Variants in PLS3 observed in about 807,000 individuals in gnomAD.
The protein encoded by PLS3 is plastin-3.
A neutral mutation model predicts 46.5 loss-of-function variants in PLS3; 11 were observed. The observed-to-expected ratio is 0.24, with a 90% CI of 0.15 to 0.39. The LOEUF (loss-of-function observed/expected upper bound fraction) is 0.39. Ranked by LOEUF, PLS3 falls within the 10% of genes least tolerant of loss-of-function variation. The pLI, the probability that PLS3 is intolerant of heterozygous loss-of-function variation, is 1.00. For missense variants in PLS3, 308 were observed against 461.8 expected (o/e 0.67, Z 3.05); for synonymous variants, 167 against 162.2 (o/e 1.03, Z -0.22).
At chrX:115,612,417 A>G in intron 2 of PLS3, among the ~76,000 whole-genome samples, 1 of 111,789 alleles carries the variant, frequency 8.9e-6, no homozygotes, top group Non-Finnish European at 1.9e-5. Flanking sequence ...TTACTTACAG[A>G]ACCCTCAGGC....
At chrX:115,624,419 T>G (rs1280334179) in intron 3 of PLS3, 2 of 111,614 alleles carry the variant, frequency 1.8e-5, no homozygotes, top group Non-Finnish European at 3.8e-5. Flanking sequence ...CACTTGCATG[T>G]TTTCTGATGT....
At chrX:115,618,726 T>C (rs1603236023) in intron 2 of PLS3, among the ~76,000 whole-genome samples, 1 of 111,050 alleles carries the variant, frequency 9.0e-6, no homozygotes, top group East Asian at 2.8e-4. Flanking sequence ...CGAAACCCCA[T>C]CTCTACTAAA....
At chrX:115,643,967 A>G (rs2074925201) in intron 10 of PLS3, among the ~76,000 whole-genome samples, 1 of 111,403 alleles carries the variant, frequency 9.0e-6, no homozygotes, top group African/African-American at 3.3e-5. Context: ...GTAAGACTCC[A>G]TCTCAAAAAA....
chrX:115,586,661 G>A (rs1257805957), intron 1 of PLS3, among the ~76,000 whole-genome samples: 1 of 81,581 alleles, frequency 1.2e-5, no homozygotes, highest in Non-Finnish European at 2.4e-5. Flanking sequence ...CTGGAGGATG[G>A]AGTGAGACTC....
chrX:115,609,164 A>T (rs1033758837), intron 1 of PLS3, among the ~76,000 whole-genome samples: 1 of 110,902 alleles, frequency 9.0e-6, no homozygotes, highest in Non-Finnish European at 1.9e-5. Flanking sequence ...AGAAAGGAAC[A>T]TGTAATCATT....
rs1204616088 is a variant in PLS3 at position 115,650,263 on chromosome X, C to G, written c.*702C>G. 1 of 111,339 alleles carries G rather than the reference C, an allele frequency of 9.0e-6. No homozygotes were observed. The highest frequency in any genetic ancestry group is 1.9e-5 in the Non-Finnish European group (1 of 52,986). 9.2% of individuals were successfully genotyped at this position (111,339 alleles called of 1,213,427 possible). On this transcript the variant is annotated 3_prime_UTR_variant, in exon 16 of 16. Transcript: ENST00000355899. The stretch of plus-strand genomic sequence containing the variant: ...ACATCGTAGCTAGAAGAAAAATGTA[C>G]CTTAAATTTGCATCTTCCCTCTCAT...
At chrX:115,633,094 T>A (rs1268169602) in intron 5 of PLS3, among the ~76,000 whole-genome samples, 16 of 109,901 alleles carry the variant, frequency 1.5e-4, no homozygotes, top group Non-Finnish European at 2.8e-4. Flanking sequence ...GAGAAAAAAT[T>A]AAAAAAAATT....
At chrX:115,625,318 T>C (rs1556638304) in intron 3 of PLS3, among the ~76,000 whole-genome samples, 1 of 109,857 alleles carries the variant, frequency 9.1e-6, no homozygotes. Flanking sequence ...TGTGTGTGTG[T>C]GCGCGCGTGT....
chrX:115,632,441 A>G lies in PLS3; in HGVS notation c.501-1559A>G, dbSNP rs781814860. Among the ~76,000 whole-genome samples, 4 of 110,733 alleles carry G rather than the reference A, an allele frequency of 3.6e-5. No homozygotes were observed. The South Asian group carries it at 1.6e-3, about 43-fold the overall frequency. On this transcript the variant is annotated intron_variant, in intron 5 of 15. Transcript: ENST00000355899. ...GATTTGGGCCTCTGTACTGCAGCCC[A>G]GGCGAGAGTTAGACCCTGTCTCTAA...
intron 1 of PLS3, among the ~76,000 whole-genome samples, chrX:115,592,680 G>A (rs946074374): frequency 1.8e-5 from 2 of 111,680 alleles, no homozygotes; most frequent in African/African-American, 3.3e-5. Context: ...CAGTTATCAC[G>A]TATCTAGTAC....
chrX:115,638,875 G>T (rs1556640622), intron 8 of PLS3, among the ~76,000 whole-genome samples: 1 of 109,060 alleles, frequency 9.2e-6, no homozygotes, highest in African/African-American at 3.3e-5. Context: ...ACCATGCCTG[G>T]CTAATTTTTT....
chrX:115,646,323 G>C, intron 12 of PLS3, 79 bp from the exon 13 acceptor site: 9 of 1,028,149 alleles, frequency 8.8e-6, no homozygotes, highest in Non-Finnish European at 1.2e-5. Context: ...CTGATACCTA[G>C]CATTATACAA....
intron 8 of PLS3, among the ~76,000 whole-genome samples, chrX:115,639,067 A>G (rs1426746486): frequency 8.9e-6 from 1 of 111,876 alleles, no homozygotes; most frequent in African/African-American, 3.2e-5. Flanking sequence ...ACTAACTTCC[A>G]GTTTATCTGT....
chrX:115,625,226 T>C (rs2074698108), intron 3 of PLS3, among the ~76,000 whole-genome samples: 1 of 111,620 alleles, frequency 9.0e-6, no homozygotes, highest in African/African-American at 3.3e-5. Flanking sequence ...TTCTGCTTTT[T>C]CTTTGAATTG....
chrX:115,611,535 GA>G (rs1556636127), intron 2 of PLS3, among the ~76,000 whole-genome samples: 1 of 109,308 alleles, frequency 9.1e-6, no homozygotes, highest in African/African-American at 3.3e-5. Flanking sequence ...GTGCATTTTT[GA>G]ACCTTTTTTA....
chrX:115,623,512 C>A (rs1556637989), intron 3 of PLS3, among the ~76,000 whole-genome samples: 2 of 111,336 alleles, frequency 1.8e-5, no homozygotes, highest in Admixed American at 9.6e-5. Context: ...CAGAGCAAGA[C>A]CCTGTCTCTA....
intron 9 of PLS3, among the ~76,000 whole-genome samples, chrX:115,642,051 T>C (rs1167673063): frequency 3.9e-5 from 4 of 102,485 alleles, no homozygotes; most frequent in African/African-American, 1.4e-4. Context: ...TTTTTTTTTT[T>C]TTTTTTTTTA....
At chrX:115,576,680 C>T (rs782153364) in intron 1 of PLS3, among the ~76,000 whole-genome samples, 1 of 108,912 alleles carries the variant, frequency 9.2e-6, no homozygotes, top group African/African-American at 3.6e-5. Flanking sequence ...CAACCCACAG[C>T]GAAATTTTTG....
At position 115,645,983 on chromosome X, in the gene PLS3, C is replaced by T. The variant is rs1337509202; in HGVS notation, c.1263-89C>T. The T allele has an allele frequency of 1.3e-5, 7 of 519,840 alleles. No individual in the cohort carries two copies. The East Asian group carries it at 2.5e-4, about 19-fold the overall frequency. The allele number at this position is 519,840 out of a possible 1,213,427, so 42.8% of individuals were successfully genotyped here. On this transcript the variant is annotated intron_variant, in intron 11 of 15. Transcript: ENST00000355899. ...GGGTATTATTTATGGTTTTATATAT[C>T]TTGTTTGACAATGTAGTGTTACTGT...
Sources: gnomAD v4.1 joint callset for allele counts (sites outside exome capture counted in the v4.1 genomes callset) on GRCh38, gnomAD v4.1.1 for gene constraint, MANE v1.5 for transcripts, NCBI Gene and HGNC (gene_info 2026-07-23, HGNC 2026-07-21) for gene names.